Variants in SPTBN1 observed in about 807,000 individuals in gnomAD.
SPTBN1 encodes spectrin beta chain, non-erythrocytic 1.
Under a neutral mutation model 266.4 loss-of-function variants are expected in SPTBN1, and 32 were observed. The ratio of observed to expected loss-of-function variants is 0.12; its 90% CI spans 0.09 to 0.16. The LOEUF (loss-of-function observed/expected upper bound fraction) is 0.16, where lower values mean the gene tolerates loss of function less well. SPTBN1 is among the 10% of genes least tolerant of loss of function. The probability of loss-of-function intolerance (pLI) is 1.00; values close to 1 mark genes in which losing one functional copy is unlikely to be tolerated. For synonymous variants in SPTBN1, 1,336 were observed against 1,162.2 expected (o/e 1.15, Z -3.04); for missense variants, 2,296 against 3,067.1 (o/e 0.75, Z 5.94).
At chr2:54,495,175 G>A (rs867805776) in intron 1 of SPTBN1, among the ~76,000 whole-genome samples, 1 of 152,144 alleles carries the variant, frequency 6.6e-6, no homozygotes, top group Non-Finnish European at 1.5e-5. Context: ...GGTTGCAGGT[G>A]TGTGGCAGAG....
chr2:54,560,566 A>C (rs1405682804), intron 2 of SPTBN1, among the ~76,000 whole-genome samples: 1 of 152,190 alleles, frequency 6.6e-6, no homozygotes, highest in Non-Finnish European at 1.5e-5. Context: ...ATTTAAAAAA[A>C]ATCATGTGCC....
At chr2:54,593,387 C>T (rs759482380) in intron 2 of SPTBN1, among the ~76,000 whole-genome samples, 1 of 152,204 alleles carries the variant, frequency 6.6e-6, no homozygotes, top group Non-Finnish European at 1.5e-5. Context: ...GTTCCTCCCA[C>T]GGAGGGCTGC....
intron 1 of SPTBN1, among the ~76,000 whole-genome samples, chr2:54,493,943 C>T (rs974460068): frequency 2.0e-5 from 3 of 152,170 alleles, no homozygotes; most frequent in African/African-American, 7.2e-5. Flanking sequence ...GGGTTACTCT[C>T]TTTACTTGGA....
At chr2:54,617,467 C>G in intron 5 of SPTBN1, 141 bp from the exon 6 acceptor site, 3 of 618,012 alleles carry the variant, frequency 4.9e-6, no homozygotes, top group Non-Finnish European at 8.2e-6. Flanking sequence ...ATTATTTGTT[C>G]TGACTTGATT....
chr2:54,551,334 T>A (rs1672553537), intron 2 of SPTBN1, among the ~76,000 whole-genome samples: 1 of 152,250 alleles, frequency 6.6e-6, no homozygotes, highest in South Asian at 2.1e-4. Context: ...CCACTCTACC[T>A]GCAACAGAGG....
chr2:54,558,658 C>G lies in SPTBN1; in HGVS notation c.148+32092C>G, dbSNP rs1393501539. On this transcript the variant is annotated intron_variant, in intron 2 of 35. Coordinates refer to ENST00000356805, the MANE Select transcript of SPTBN1 (RefSeq NM_003128.3). The surrounding 1 kb of genome is among the most constrained non-coding windows in gnomAD (Gnocchi z 4.6). Reference sequence around the variant, plus strand: ...AGATCACCCTGCTGGACTTGCAGACCGGAATGGGGCTCGCCTAAGGAGCCG... The same window carrying G: ...AGATCACCCTGCTGGACTTGCAGACGGGAATGGGGCTCGCCTAAGGAGCCG... 8.0e-6 allele frequency: 12 copies of G among 1,496,670 alleles called. No individual in the cohort carries two copies. Among genetic ancestry groups the G allele is most frequent in the Non-Finnish European group, 9.8e-6 (11 of 1,121,702 alleles). The allele number at this position is 1,496,670 out of a possible 1,614,324, so 92.7% of individuals were successfully genotyped here.
chr2:54,580,353 C>T (rs1201791107), intron 2 of SPTBN1, among the ~76,000 whole-genome samples: 2 of 152,094 alleles, frequency 1.3e-5, no homozygotes, highest in Non-Finnish European at 2.9e-5. Context: ...TTTAGCAAAC[C>T]AGTAATATTT....
intron 2 of SPTBN1, among the ~76,000 whole-genome samples, chr2:54,564,835 A>G (rs1673560949): frequency 6.6e-6 from 1 of 152,158 alleles, no homozygotes; most frequent in South Asian, 2.1e-4. Context: ...CTTTTGTTAC[A>G]GTTCCAGTCT....
intron 1 of SPTBN1, among the ~76,000 whole-genome samples, chr2:54,485,788 G>C (rs1411493390): frequency 6.6e-6 from 1 of 150,490 alleles, no homozygotes; most frequent in African/African-American, 2.5e-5. Flanking sequence ...GAAGTGAGGA[G>C]CGTCTCTGCC....
chr2:54,645,467 T>C lies in SPTBN1; in HGVS notation c.4494+14T>C. ...GAGGACGAGATCGTGAGTCGACCCCTACTGCACACATGGCTTTTCCACGAG... is the reference window on the plus strand; with the variant it reads ...GAGGACGAGATCGTGAGTCGACCCCCACTGCACACATGGCTTTTCCACGAG... On this transcript the variant is annotated intron_variant, in intron 21 of 35. Transcript: ENST00000356805. The surrounding 1 kb of genome is among the most constrained non-coding windows in gnomAD (Gnocchi z 4.3). 1 of 1,612,534 alleles carries C rather than the reference T, an allele frequency of 6.2e-7. No homozygotes were observed. The highest frequency in any genetic ancestry group is 8.5e-7 in the Non-Finnish European group (1 of 1,178,882).
intron 7 of SPTBN1, among the ~76,000 whole-genome samples, chr2:54,619,309 C>G (rs1377613809): frequency 2.0e-5 from 3 of 152,200 alleles, no homozygotes; most frequent in African/African-American, 4.8e-5. Flanking sequence ...AAACAGAAAA[C>G]TAAAATTCCT....
At chr2:54,592,890 T>C (rs934439249) in intron 2 of SPTBN1, among the ~76,000 whole-genome samples, 3 of 152,132 alleles carry the variant, frequency 2.0e-5, no homozygotes, top group Admixed American at 6.5e-5. Context: ...GCCCTTAACC[T>C]CACTGAGCCT....
At chr2:54,661,346 A>C (rs1020020299) in intron 32 of SPTBN1, 1 of 985,734 alleles carries the variant, frequency 1.0e-6, no homozygotes, top group African/African-American at 1.7e-5. Context: ...CTCTTTTGCC[A>C]TATTTAGATG....
chr2:54,566,240 G>A (rs2104497937), intron 2 of SPTBN1, among the ~76,000 whole-genome samples: 1 of 145,108 alleles, frequency 6.9e-6, no homozygotes, highest in South Asian at 2.1e-4. Context: ...CCAGGCTGGA[G>A]TGCAGTGGCA....
intron 2 of SPTBN1, chr2:54,527,929 A>G (rs1018895629): frequency 3.3e-5 from 5 of 152,270 alleles, no homozygotes; most frequent in African/African-American, 1.2e-4. Context: ...AGATTGGAAT[A>G]TAACAGAAAA....
intron 2 of SPTBN1, among the ~76,000 whole-genome samples, chr2:54,534,491 A>G (rs1232709566): frequency 1.3e-5 from 2 of 152,324 alleles, no homozygotes; most frequent in East Asian, 3.9e-4. Context: ...TATTGAGAGA[A>G]AGTCTGTTGA....
chr2:54,589,753 C>G (rs1042375983), intron 2 of SPTBN1, among the ~76,000 whole-genome samples: 2 of 152,104 alleles, frequency 1.3e-5, no homozygotes, highest in Non-Finnish European at 2.9e-5. Context: ...GTTGGATTCT[C>G]TGTTATCAAT....
chr2:54,489,563 G>A (rs1668578448), intron 1 of SPTBN1, among the ~76,000 whole-genome samples: 1 of 152,126 alleles, frequency 6.6e-6, no homozygotes, highest in African/African-American at 2.4e-5. Context: ...AGCCAGGCGT[G>A]GTGGTGTGCA....
At chr2:54,570,512 A>G (rs759752086) in intron 2 of SPTBN1, among the ~76,000 whole-genome samples, 6 of 152,212 alleles carry the variant, frequency 3.9e-5, no homozygotes, top group Non-Finnish European at 5.9e-5. Flanking sequence ...AGGAAATTAC[A>G]TAGGTGGTAT....
Sources: gnomAD v4.1 joint callset for allele counts (sites outside exome capture counted in the v4.1 genomes callset) on GRCh38, gnomAD v4.1.1 for gene constraint, Gnocchi (gnomAD v3.1) non-coding constraint, MANE v1.5 for transcripts, NCBI Gene and HGNC (gene_info 2026-07-23, HGNC 2026-07-21) for gene names.